Variants in CSMD1 observed in about 807,000 individuals in gnomAD.
The protein encoded by CSMD1 is CUB and sushi domain-containing protein 1.
A neutral mutation model predicts 417.5 loss-of-function variants in CSMD1; 213 were observed. The observed-to-expected ratio is 0.51, with a 90% CI of 0.46 to 0.57. The LOEUF (loss-of-function observed/expected upper bound fraction) is 0.57, where lower values mean the gene tolerates loss of function less well. Ranked by LOEUF, CSMD1 falls within the 20% of genes least tolerant of loss-of-function variation. The pLI is 0.00. For missense variants in CSMD1, 6,923 were observed against 4,529.7 expected (o/e 1.53, Z -15.17); for synonymous variants, 2,862 against 1,736.8 (o/e 1.65, Z -16.11).
intron 2 of CSMD1, among the ~76,000 whole-genome samples, chr8:4,618,291 C>T (rs1313711847): frequency 1.7e-4 from 15 of 87,078 alleles, no homozygotes; most frequent in Admixed American, 1.4e-3. Context: ...TTGCTAAGCT[C>T]AGCCATGTCC....
chr8:4,967,773 G>A (rs934429112), intron 1 of CSMD1, among the ~76,000 whole-genome samples: 13 of 152,198 alleles, frequency 8.5e-5, no homozygotes, highest in East Asian at 3.9e-4. Flanking sequence ...TGTGACTTAC[G>A]TAGCTAGAGA....
intron 23 of CSMD1, among the ~76,000 whole-genome samples, chr8:3,329,552 G>A (rs1166793250): frequency 6.6e-6 from 1 of 152,150 alleles, no homozygotes; most frequent in African/African-American, 2.4e-5. Context: ...CCTTCCCAAG[G>A]CCTATGCAAT....
chr8:3,636,721 G>T (rs1797069422), intron 7 of CSMD1, among the ~76,000 whole-genome samples: 2 of 152,198 alleles, frequency 1.3e-5, no homozygotes, highest in African/African-American at 4.8e-5. Context: ...TGACCATCTT[G>T]GGAGCAGCTG....
chr8:3,351,864 G>A (rs1006538636), intron 21 of CSMD1, among the ~76,000 whole-genome samples: 1 of 151,222 alleles, frequency 6.6e-6, no homozygotes, highest in South Asian at 2.1e-4. Flanking sequence ...TTTTAAAGAC[G>A]ATTAACATAG....
At chr8:2,981,195 A>G (rs910269187) in intron 54 of CSMD1, among the ~76,000 whole-genome samples, 2 of 152,248 alleles carry the variant, frequency 1.3e-5, no homozygotes, top group Non-Finnish European at 2.9e-5. Flanking sequence ...GTTTTACTGT[A>G]CAGAGAAGAA....
At chr8:3,731,268 G>C (rs1796236236) in intron 6 of CSMD1, among the ~76,000 whole-genome samples, 2 of 152,132 alleles carry the variant, frequency 1.3e-5, no homozygotes, top group South Asian at 2.1e-4. Context: ...ACATTGACCA[G>C]CATTTATGGA....
chr8:3,812,611 G>A (rs754078276), intron 5 of CSMD1, among the ~76,000 whole-genome samples: 19 of 152,090 alleles, frequency 1.2e-4, no homozygotes, highest in Non-Finnish European at 2.4e-4. Flanking sequence ...GGGCCAAAAT[G>A]GAAAATACAT....
At chr8:3,267,680 G>C (rs1036908122) in intron 26 of CSMD1, among the ~76,000 whole-genome samples, 13 of 152,246 alleles carry the variant, frequency 8.5e-5, no homozygotes, top group African/African-American at 3.1e-4. Context: ...GATGGAAAGA[G>C]AAGCAGCAGT....
At chr8:4,662,114 T>C (rs1380730561) in intron 1 of CSMD1, among the ~76,000 whole-genome samples, 1 of 152,222 alleles carries the variant, frequency 6.6e-6, no homozygotes, top group Non-Finnish European at 1.5e-5. Context: ...TTACACTTTT[T>C]CTTTTCTAAT....
At chr8:3,789,697 T>C (rs1799626218) in intron 5 of CSMD1, among the ~76,000 whole-genome samples, 1 of 151,730 alleles carries the variant, frequency 6.6e-6, no homozygotes, top group African/African-American at 2.4e-5. Flanking sequence ...ATTTAGTATT[T>C]ATCATAGATG....
intron 1 of CSMD1, among the ~76,000 whole-genome samples, chr8:4,789,237 C>G (rs1585100500): frequency 2.0e-5 from 3 of 152,242 alleles, no homozygotes; most frequent in Middle Eastern, 6.8e-3. Flanking sequence ...GCTATCCTGC[C>G]ACTGTTTCTC....
intron 1 of CSMD1, among the ~76,000 whole-genome samples, chr8:4,715,795 C>T (rs1367322736): frequency 2.0e-5 from 3 of 152,130 alleles, no homozygotes; most frequent in Admixed American, 6.6e-5. Flanking sequence ...AAAACGAGCC[C>T]GTCCTCCTAT....
At chr8:4,042,815 T>TTAAAAAAAAAAAAAAAAA (rs1487345501) in intron 3 of CSMD1, among the ~76,000 whole-genome samples, 2 of 41,312 alleles carry the variant, frequency 4.8e-5, no homozygotes, top group Non-Finnish European at 8.5e-5. Context: ...TACAACATAT[T>TTAAAAAAAAAAAAAAAAA]AAAAAAAAAA....
chr8:4,631,630 C>A (rs928052375), intron 2 of CSMD1, among the ~76,000 whole-genome samples: 4 of 152,064 alleles, frequency 2.6e-5, no homozygotes, highest in Admixed American at 2.0e-4. Flanking sequence ...TAACTATCCA[C>A]AATAAAACTG....
chr8:4,909,059 G>C (rs1291829987), intron 1 of CSMD1, among the ~76,000 whole-genome samples: 1 of 152,186 alleles, frequency 6.6e-6, no homozygotes, highest in Non-Finnish European at 1.5e-5. Context: ...TTAGCATGAA[G>C]ATTTGTGTTA....
chr8:4,752,636 T>A (rs1007851634), intron 1 of CSMD1, among the ~76,000 whole-genome samples: 2 of 152,112 alleles, frequency 1.3e-5, no homozygotes, highest in Non-Finnish European at 2.9e-5. Context: ...AGGGGAAAAT[T>A]GATGTGCCAT....
intron 3 of CSMD1, among the ~76,000 whole-genome samples, chr8:4,169,252 A>G (rs1797628162): frequency 6.6e-6 from 1 of 152,084 alleles, no homozygotes; most frequent in Non-Finnish European, 1.5e-5. Context: ...CTGCACACAG[A>G]TGTCTGATGG....
intron 1 of CSMD1, among the ~76,000 whole-genome samples, chr8:4,765,052 G>C (rs976105898): frequency 6.6e-6 from 1 of 152,036 alleles, no homozygotes; most frequent in Non-Finnish European, 1.5e-5. Flanking sequence ...CACCTATGTA[G>C]AGAGCTATCA....
chr8:3,291,974 A>G (rs1409522016), intron 25 of CSMD1, among the ~76,000 whole-genome samples: 6 of 150,612 alleles, frequency 4.0e-5, no homozygotes, highest in Admixed American at 2.0e-4. Flanking sequence ...AGTGCTATAA[A>G]TTTTCCTCTA....
Sources: gnomAD v4.1 joint callset for allele counts (sites outside exome capture counted in the v4.1 genomes callset) on GRCh38, gnomAD v4.1.1 for gene constraint, MANE v1.5 for transcripts, NCBI Gene and HGNC (gene_info 2026-07-23, HGNC 2026-07-21) for gene names.